Variants in PRKG1 observed in about 807,000 individuals in gnomAD.
PRKG1 encodes protein kinase cGMP-dependent 1.
PRKG1 carries 35 observed loss-of-function variants against 88.1 expected under a neutral mutation model. The ratio of observed to expected loss-of-function variants is 0.40; its 90% CI spans 0.30 to 0.53. The LOEUF is 0.53. PRKG1 is among the 20% of genes least tolerant of loss of function. The pLI, the probability that PRKG1 is intolerant of heterozygous loss-of-function variation, is 0.59. For synonymous variants in PRKG1, 303 were observed against 292.5 expected (o/e 1.04, Z -0.37); for missense variants, 540 against 839.8 (o/e 0.64, Z 4.41).
intron 9 of PRKG1, among the ~76,000 whole-genome samples, chr10:52,241,409 C>A (rs932882030): frequency 2.0e-5 from 3 of 152,094 alleles, no homozygotes; most frequent in African/African-American, 7.2e-5. Context: ...CAATGCAAAC[C>A]CTTCGTTTTG....
intron 9 of PRKG1, among the ~76,000 whole-genome samples, chr10:52,165,116 A>G (rs1259589626): frequency 6.6e-6 from 1 of 152,174 alleles, no homozygotes; most frequent in Non-Finnish European, 1.5e-5. Context: ...TTATTCCTAA[A>G]ACCAGCCAAA....
At chr10:51,922,908 G>T (rs1024436700) in intron 5 of PRKG1, among the ~76,000 whole-genome samples, 2 of 152,002 alleles carry the variant, frequency 1.3e-5, no homozygotes, top group African/African-American at 2.4e-5. Context: ...CAATTAGACT[G>T]ATTAATGGTT....
At chr10:51,016,649 G>GTGAAGA (rs1247405479) in intron 1 of PRKG1, among the ~76,000 whole-genome samples, 1 of 89,968 alleles carries the variant, frequency 1.1e-5, no homozygotes, top group Non-Finnish European at 2.2e-5. Flanking sequence ...CCATAACCCA[G>GTGAAGA]TGAAGAAGGT....
Position 51,822,164 on chromosome 10 carries a change from CAT to C in PRKG1, c.698+17477_698+17478del, listed in dbSNP as rs576868631. On this transcript the variant is annotated intron_variant, in intron 4 of 17. Transcript: ENST00000373980. The stretch of plus-strand genomic sequence containing the variant: ...TGTCATATGTATATATGTATATATA[CAT>C]ATGTCATTTATGTGTGTGTATATGG... Among the ~76,000 whole-genome samples the C allele has an allele frequency of 2.2e-4, 34 of 151,462 alleles. No individual in the cohort carries two copies. In the South Asian group the frequency reaches 6.3e-3, roughly 28 times the overall value.
intron 3 of PRKG1, among the ~76,000 whole-genome samples, chr10:51,678,676 T>A (rs905687285): frequency 8.5e-5 from 13 of 152,224 alleles, no homozygotes; most frequent in Non-Finnish European, 1.8e-4. Flanking sequence ...TTGTAATTTT[T>A]ATTTCTGTAT....
intron 2 of PRKG1, among the ~76,000 whole-genome samples, chr10:51,454,049 G>A (rs571507897): frequency 1.3e-5 from 2 of 152,054 alleles, no homozygotes; most frequent in South Asian, 4.2e-4. Flanking sequence ...AGAGGTGAAA[G>A]ATCTCTGCAA....
At chr10:51,579,674 T>C (rs1445187317) in intron 3 of PRKG1, among the ~76,000 whole-genome samples, 1 of 152,276 alleles carries the variant, frequency 6.6e-6, no homozygotes, top group South Asian at 2.1e-4. Flanking sequence ...ATTAACTATA[T>C]GAGGAGACTG....
chr10:51,365,668 C>T (rs917066092), intron 2 of PRKG1, among the ~76,000 whole-genome samples: 2 of 151,892 alleles, frequency 1.3e-5, no homozygotes, highest in African/African-American at 4.8e-5. Flanking sequence ...TCAGCCCAAT[C>T]CCAGAGCTGG....
intron 3 of PRKG1, among the ~76,000 whole-genome samples, chr10:51,541,386 G>A (rs2132111896): frequency 6.6e-6 from 1 of 152,250 alleles, no homozygotes; most frequent in East Asian, 1.9e-4. Context: ...TGGTTCAGGG[G>A]TTAGGGACCC....
At position 51,758,798 on chromosome 10, in the gene PRKG1, T is replaced by G. The variant is rs545590071; in HGVS notation, c.593-45787T>G. Among the ~76,000 whole-genome samples, 27 of 152,242 alleles carry G rather than the reference T, an allele frequency of 1.8e-4. No individual in the cohort carries two copies. The South Asian group carries it at 5.6e-3, about 32-fold the overall frequency. On this transcript the variant is annotated intron_variant, in intron 3 of 17. Transcript: ENST00000373980. Reference sequence around the variant, plus strand: ...CACCCACCAACCTGTCATCTAGGTTTTAAGCTCCACATGCATTAGGTATTT... The same window carrying G: ...CACCCACCAACCTGTCATCTAGGTTGTAAGCTCCACATGCATTAGGTATTT...
intron 5 of PRKG1, among the ~76,000 whole-genome samples, chr10:51,935,497 A>T (rs1842782094): frequency 6.6e-6 from 1 of 152,152 alleles, no homozygotes; most frequent in Non-Finnish European, 1.5e-5. Flanking sequence ...ATTTGAAGAT[A>T]AAAATGTTTT....
intron 1 of PRKG1, among the ~76,000 whole-genome samples, chr10:51,057,855 G>A (rs1251449930): frequency 2.0e-5 from 3 of 152,096 alleles, no homozygotes; most frequent in African/African-American, 7.2e-5. Context: ...TAATAGGTAT[G>A]TATTTCTCTT....
intron 2 of PRKG1, among the ~76,000 whole-genome samples, chr10:51,458,732 C>T (rs1839659940): frequency 6.6e-6 from 1 of 152,118 alleles, no homozygotes; most frequent in Non-Finnish European, 1.5e-5. Flanking sequence ...AGAAAAAGGA[C>T]ATGTAATCTC....
chr10:51,416,126 T>C (rs1838230407), intron 2 of PRKG1, among the ~76,000 whole-genome samples: 1 of 152,218 alleles, frequency 6.6e-6, no homozygotes, highest in African/African-American at 2.4e-5. Flanking sequence ...AGCTTTACAC[T>C]TGTTAACTTC....
intron 2 of PRKG1, among the ~76,000 whole-genome samples, chr10:51,214,086 C>A (rs1174795594): frequency 6.6e-6 from 1 of 152,084 alleles, no homozygotes. Flanking sequence ...GAACCTAAAG[C>A]ACCTAGAGTT....
intron 9 of PRKG1, among the ~76,000 whole-genome samples, chr10:52,188,297 T>TATAC (rs1839268973): frequency 9.0e-6 from 1 of 110,906 alleles, no homozygotes; most frequent in African/African-American, 4.7e-5. Context: ...TGTGTATATA[T>TATAC]ATATGTATAT....
intron 1 of PRKG1, among the ~76,000 whole-genome samples, chr10:51,053,766 T>C (rs1418996907): frequency 1.7e-5 from 2 of 118,672 alleles, no homozygotes; most frequent in Non-Finnish European, 3.5e-5. Flanking sequence ...TCAGTAGTTA[T>C]GGGTTTTTTT....
chr10:51,280,365 G>A (rs1840258733), intron 2 of PRKG1, among the ~76,000 whole-genome samples: 1 of 152,078 alleles, frequency 6.6e-6, no homozygotes, highest in Non-Finnish European at 1.5e-5. Context: ...TGCTCTTCTT[G>A]AGGAGTATCT....
chr10:52,037,364 T>G (rs1393220112), intron 5 of PRKG1, among the ~76,000 whole-genome samples: 2 of 152,244 alleles, frequency 1.3e-5, no homozygotes, highest in Non-Finnish European at 2.9e-5. Flanking sequence ...TCTATTATTG[T>G]ACACCTTGAA....
Sources: allele counts gnomAD v4.1 joint callset (sites outside exome capture counted in the v4.1 genomes callset), GRCh38; gene constraint gnomAD v4.1.1; transcripts MANE v1.5; gene names NCBI Gene and HGNC (gene_info 2026-07-23, HGNC 2026-07-21).